RSRC1: variants seen among roughly 807,000 people sequenced by gnomAD.
The protein encoded by RSRC1 is arginine and serine rich coiled-coil 1.
In RSRC1, 39 loss-of-function variants were observed where a neutral mutation model predicts 49.1. That is an observed-to-expected ratio of 0.79 (90% CI 0.61 to 1.04). RSRC1 has a LOEUF of 1.04. RSRC1 is among the 50% of genes least tolerant of loss of function. RSRC1 has a pLI of 0.00. For synonymous variants in RSRC1, 143 were observed against 130.8 expected, an observed-to-expected ratio of 1.09 and a Z score of -0.63; for missense variants, 388 against 402.4, an observed-to-expected ratio of 0.96 and a Z score of 0.31.
intron 3 of RSRC1, among the ~76,000 whole-genome samples, chr3:158,157,451 A>G (rs978495352): frequency 2.6e-5 from 4 of 152,210 alleles, no homozygotes; most frequent in Non-Finnish European, 5.9e-5. Context: ...TTCTGAGATC[A>G]TGATTCAGAG....
chr3:158,528,463 T>C (rs1712179894), intron 7 of RSRC1, among the ~76,000 whole-genome samples: 2 of 151,884 alleles, frequency 1.3e-5, no homozygotes, highest in Admixed American at 1.3e-4. Context: ...AAAAAAGAGC[T>C]GCGTATCTCT....
chr3:158,282,738 G>C (rs1429547221), intron 4 of RSRC1, among the ~76,000 whole-genome samples: 1 of 152,152 alleles, frequency 6.6e-6, no homozygotes, highest in East Asian at 1.9e-4. Flanking sequence ...GAGAAGAAGA[G>C]AATCTTGTTT....
At chr3:158,289,013 T>C (rs1726757299) in intron 4 of RSRC1, among the ~76,000 whole-genome samples, 1 of 152,126 alleles carries the variant, frequency 6.6e-6, no homozygotes, top group Admixed American at 6.5e-5. Flanking sequence ...ATGTTGTTAT[T>C]GTTTTTATTA....
intron 5 of RSRC1, among the ~76,000 whole-genome samples, chr3:158,329,963 C>T (rs1729443772): frequency 1.3e-5 from 2 of 152,220 alleles, no homozygotes; most frequent in Non-Finnish European, 2.9e-5. Flanking sequence ...CTCGCTGCCG[C>T]CTTGCAGTTC....
intron 8 of RSRC1, among the ~76,000 whole-genome samples, chr3:158,541,196 C>T (rs1396334599): frequency 2.4e-4 from 36 of 152,124 alleles, no homozygotes; most frequent in Non-Finnish European, 2.9e-5. Flanking sequence ...GCCAGAGAAC[C>T]ATTCTTCCTT....
intron 7 of RSRC1, among the ~76,000 whole-genome samples, chr3:158,462,969 A>C (rs1737693324): frequency 6.6e-6 from 1 of 152,032 alleles, no homozygotes; most frequent in African/African-American, 2.4e-5. Context: ...AGGATTACAG[A>C]GGACTTAATA....
At chr3:158,431,796 C>G (rs546092841) in intron 6 of RSRC1, among the ~76,000 whole-genome samples, 2 of 151,784 alleles carry the variant, frequency 1.3e-5, no homozygotes, top group Non-Finnish European at 2.9e-5. Flanking sequence ...ATTAATTTCC[C>G]CTTATACATT....
At chr3:158,165,223 G>A (rs1411886530) in intron 3 of RSRC1, among the ~76,000 whole-genome samples, 1 of 152,134 alleles carries the variant, frequency 6.6e-6, no homozygotes, top group Non-Finnish European at 1.5e-5. Context: ...AGCTTTTCCT[G>A]CAATTAATGG....
chr3:158,258,185 C>T (rs1263213373), intron 4 of RSRC1, among the ~76,000 whole-genome samples: 1 of 119,216 alleles, frequency 8.4e-6, no homozygotes, highest in African/African-American at 3.0e-5. Flanking sequence ...CCTTTTCTTT[C>T]AAATTGAAGA....
At position 158,541,195 on chromosome 3, in the gene RSRC1, C is replaced by T. The variant is rs73154332; in HGVS notation, c.760-2140C>T. On this transcript the variant is annotated intron_variant, in intron 8 of 9. Transcript: ENST00000611884. ...TTGTCTTTTCCCTCTGGCCAGAGAA[C>T]CATTCTTCCTTTTCACCTGCCTGGC... Among the ~76,000 whole-genome samples the T allele has an allele frequency of 6.4e-3, 972 of 152,244 alleles. 12 individuals carry two copies. The highest frequency in any genetic ancestry group is 0.01 in the Non-Finnish European group (691 of 68,008).
intron 3 of RSRC1, among the ~76,000 whole-genome samples, chr3:158,159,719 A>T (rs1311690967): frequency 6.6e-6 from 1 of 152,186 alleles, no homozygotes. Flanking sequence ...TGATTATTTC[A>T]TCACTCCATA....
At chr3:158,243,259 T>C (rs1466948849) in intron 4 of RSRC1, among the ~76,000 whole-genome samples, 2 of 152,136 alleles carry the variant, frequency 1.3e-5, no homozygotes, top group Non-Finnish European at 2.9e-5. Flanking sequence ...TTTCAGTTTT[T>C]TGCATATGGC....
chr3:158,270,211 C>T (rs955279177), intron 4 of RSRC1, among the ~76,000 whole-genome samples: 1 of 152,178 alleles, frequency 6.6e-6, no homozygotes, highest in African/African-American at 2.4e-5. Flanking sequence ...ATACTCCCTG[C>T]TGCCTTTGCT....
rs185624066 is a variant in RSRC1 at position 158,169,082 on chromosome 3, C to T, written c.321-33990C>T. ...ACCAGCCCTTTGGAAAGACTCCCTT[C>T]ACCCCTAATATCAGCGTGATGCTGC... On this transcript the variant is annotated intron_variant, in intron 3 of 9. Coordinates refer to ENST00000611884, the MANE Select transcript of RSRC1 (RefSeq NM_001271838.2). Among the ~76,000 whole-genome samples, 536 of 152,238 alleles carry T rather than the reference C, an allele frequency of 3.5e-3. 2 individuals carry two copies. Among genetic ancestry groups the T allele is most frequent in the African/African-American group, 0.012 (500 of 41,540 alleles).
rs1044652759 is a variant in RSRC1 at position 158,110,125 on chromosome 3, T to C, written c.-101T>C. On this transcript the variant is annotated 5_prime_UTR_variant, in exon 1 of 10. Transcript: ENST00000611884. ...GGCGCTGAGCTTAAACTGAAGCAAG[T>C]TCGGTGGACGCCGGCGGCGCCCTGA... 1 of 152,218 alleles carries C rather than the reference T, an allele frequency of 6.6e-6. No homozygotes were observed. Among genetic ancestry groups the C allele is most frequent in the African/African-American group, 2.4e-5 (1 of 41,436 alleles). The allele number at this position is 152,218 out of a possible 1,614,324, so 9.4% of individuals were successfully genotyped here. A position where few individuals can be genotyped will look rare whatever the true frequency, so the allele number is the denominator to read the frequency against.
At chr3:158,149,926 A>T (rs770356321) in intron 3 of RSRC1, among the ~76,000 whole-genome samples, 12 of 152,246 alleles carry the variant, frequency 7.9e-5, no homozygotes, top group Non-Finnish European at 1.3e-4. Context: ...AGTAACTTTT[A>T]GGAAATGTTT....
Position 158,480,185 on chromosome 3 carries a change from C to G in RSRC1, c.652+19182C>G, listed in dbSNP as rs1477887745. Among the ~76,000 whole-genome samples, 6 of 152,008 alleles carry G rather than the reference C, an allele frequency of 3.9e-5. No homozygotes were observed. In the East Asian group the frequency reaches 1.2e-3, roughly 29 times the overall value. On this transcript the variant is annotated intron_variant, in intron 7 of 9. Coordinates refer to ENST00000611884, the MANE Select transcript of RSRC1 (RefSeq NM_001271838.2). ...TAGTATATTTGGATATAGTAAAATT[C>G]TAGCTGTAGTTTAAAGAAATCTGTG...
At chr3:158,536,311 T>C (rs1004598780) in intron 7 of RSRC1, among the ~76,000 whole-genome samples, 12 of 151,308 alleles carry the variant, frequency 7.9e-5, no homozygotes, top group Non-Finnish European at 1.6e-4. Flanking sequence ...AGATCCAGAA[T>C]CTAGAAACTT....
intron 3 of RSRC1, among the ~76,000 whole-genome samples, chr3:158,150,007 G>A (rs1717426595): frequency 6.6e-6 from 1 of 152,086 alleles, no homozygotes; most frequent in Non-Finnish European, 1.5e-5. Flanking sequence ...CTACATCTCT[G>A]TTAACATTTT....
Sources: gnomAD v4.1 joint callset for allele counts (sites outside exome capture counted in the v4.1 genomes callset) on GRCh38, gnomAD v4.1.1 for gene constraint, MANE v1.5 for transcripts, NCBI Gene and HGNC (gene_info 2026-07-23, HGNC 2026-07-21) for gene names.